CEP192: variants seen among roughly 807,000 people sequenced by gnomAD.
The protein encoded by CEP192 is centrosomal protein of 192 kDa.
In CEP192, 151 loss-of-function variants were observed where a neutral mutation model predicts 271.8. The observed-to-expected ratio is 0.56, with a 90% confidence interval of 0.49 to 0.64. The LOEUF (loss-of-function observed/expected upper bound fraction) is 0.64. Ranked by LOEUF, CEP192 falls within the 30% of genes least tolerant of loss-of-function variation. CEP192 has a pLI of 0.00. For synonymous variants in CEP192, 995 were observed against 1,076.5 expected (o/e 0.92, Z 1.48); for missense variants, 2,910 against 3,020.5 (o/e 0.96, Z 0.86).
At chr18:13,026,945 A>C (rs2035335975) in intron 9 of CEP192, among the ~76,000 whole-genome samples, 1 of 151,766 alleles carries the variant, frequency 6.6e-6, no homozygotes, top group Admixed American at 6.6e-5. Flanking sequence ...TATGCCTTTT[A>C]ATTTTTTCTT....
chr18:13,117,745 T>G, intron 44 of CEP192, 102 bp downstream of exon 44: 1 of 812,452 alleles, frequency 1.2e-6, no homozygotes, highest in Non-Finnish European at 2.1e-6. Flanking sequence ...GTCCTCCATA[T>G]TCCTCACCAG....
chr18:13,099,273 T>C (rs915889910), intron 36 of CEP192, among the ~76,000 whole-genome samples: 1 of 151,614 alleles, frequency 6.6e-6, no homozygotes, highest in Non-Finnish European at 1.5e-5. Context: ...TGCTGGTGAG[T>C]TCCTTGTAAC....
intron 38 of CEP192, among the ~76,000 whole-genome samples, chr18:13,101,496 C>T (rs1266749364): frequency 6.6e-6 from 1 of 152,100 alleles, no homozygotes; most frequent in East Asian, 1.9e-4. Context: ...GCTCACATTC[C>T]TCGAGAGTCC....
intron 40 of CEP192, among the ~76,000 whole-genome samples, chr18:13,112,619 C>T (rs2040256377): frequency 6.6e-6 from 1 of 152,100 alleles, no homozygotes; most frequent in Non-Finnish European, 1.5e-5. Flanking sequence ...GGTTTTTACC[C>T]ATTCCTTTGT....
chr18:13,049,801 G>C lies in CEP192; in HGVS notation c.2927G>C (p.Gly976Ala). The change falls in exon 17 of 45, where the codon GGC (glycine) becomes GCC (alanine). Residue 976 changes from glycine to alanine, a missense_variant. By Grantham distance (60) the Gly-to-Ala change is moderately conservative (BLOSUM62 0). Transcript: ENST00000506447. ...KNTSPEHGGR[G>A]SEDEQESFRP... The stretch of plus-strand genomic sequence containing the variant: ...ACCTCTCCTGAGCATGGTGGACGTG[G>C]CTCAGAGGATGAGCAGGAGAGCTTC... 6.2e-7 allele frequency: 1 copy of C among 1,613,828 alleles called. No homozygotes were observed. Among genetic ancestry groups the C allele is most frequent in the Non-Finnish European group, 8.5e-7 (1 of 1,179,938 alleles).
intron 3 of CEP192, among the ~76,000 whole-genome samples, chr18:13,006,048 G>C (rs1033303440): frequency 3.3e-5 from 5 of 152,024 alleles, no homozygotes; most frequent in Admixed American, 6.5e-5. Flanking sequence ...AATTGGCATT[G>C]GTTTGGAGAT....
chr18:12,999,441 G>A lies in CEP192; in HGVS notation c.17G>A (p.Gly6Asp), dbSNP rs1194128570. The A allele has an allele frequency of 6.5e-7, 1 of 1,547,450 alleles. No individual in the cohort carries two copies. ...TGCAGTGAGATGGAAGATTTTCGAG[G>A]TATAGCAGAAGAATCATTTCCAAGC... is the stretch of plus-strand genomic sequence containing the variant. MEDFRGIAEESFPSFL... is the reference protein window; with the variant it reads MEDFRDIAEESFPSFL... The change falls in exon 2 of 45, where the codon GGT becomes GAT. Residue 6 changes from glycine (G) to aspartate (D), a missense_variant. By Grantham distance (94) the Gly-to-Asp change is moderately conservative (BLOSUM62 -1). Transcript: ENST00000506447.
chr18:13,108,544 C>A (rs11663399), intron 40 of CEP192, among the ~76,000 whole-genome samples: 20,768 of 152,018 alleles, frequency 0.14, 1,542 homozygotes, highest in East Asian at 0.31. Context: ...GCCAACAAAC[C>A]TGAAAAAATG....
chr18:13,037,292 A>G lies in CEP192; in HGVS notation c.1590A>G (p.Gln530=), dbSNP rs544567362. ...AAGAAGAATTTAATAAAGAGCATCAATTTATACAGGTTTGTAATTATTTGT... is the reference window on the plus strand; with the variant it reads ...AAGAAGAATTTAATAAAGAGCATCAGTTTATACAGGTTTGTAATTATTTGT... ...QDEEEFNKEH[Q]FIQEENIDAH... Residue 530 remains glutamine, a synonymous_variant, in exon 12 of 45, where the codon CAA becomes CAG. Transcript: ENST00000506447. The G allele has an allele frequency of 9.0e-6, 12 of 1,330,098 alleles. No individual in the cohort carries two copies. Among genetic ancestry groups the G allele is most frequent in the Admixed American group, 2.0e-5 (1 of 49,778 alleles). 82.4% of individuals were successfully genotyped at this position (1,330,098 alleles called of 1,614,324 possible). A position where few individuals can be genotyped will look rare whatever the true frequency, so the allele number is the denominator to read the frequency against.
At chr18:13,081,905 T>C (rs2038630747) in intron 30 of CEP192, among the ~76,000 whole-genome samples, 1 of 152,250 alleles carries the variant, frequency 6.6e-6, no homozygotes, top group Admixed American at 6.5e-5. Flanking sequence ...TTCCATGTAG[T>C]TGTGCGGTTT....
intron 21 of CEP192, among the ~76,000 whole-genome samples, chr18:13,065,785 C>T (rs1464896591): frequency 1.3e-5 from 2 of 152,184 alleles, no homozygotes; most frequent in Non-Finnish European, 2.9e-5. Flanking sequence ...TCTTATATAA[C>T]ATCCAAAACA....
At chr18:13,090,187 G>A (rs1288850097) in intron 33 of CEP192, among the ~76,000 whole-genome samples, 2 of 152,170 alleles carry the variant, frequency 1.3e-5, no homozygotes, top group African/African-American at 4.8e-5. Flanking sequence ...TTTCACCATA[G>A]TGTTGTTTAT....
In CEP192 at chr18:13,102,754, G is replaced by A. The variant is rs139467642; in HGVS notation, c.6872-755G>A. On this transcript the variant is annotated intron_variant, in intron 38 of 44. Transcript: ENST00000506447. ...TCCTCTCCCTGGTTTCTAAAGACTG[G>A]CAGGGTCCCGGCCCAGCCTGCCTGT... 7.9e-5 allele frequency among the ~76,000 whole-genome samples: 12 copies of A among 152,254 alleles called. No individual in the cohort carries two copies. In the East Asian group the frequency reaches 2.3e-3, roughly 29 times the overall value.
chr18:13,024,661 C>T (rs1275134572), intron 9 of CEP192, among the ~76,000 whole-genome samples: 2 of 152,056 alleles, frequency 1.3e-5, no homozygotes, highest in Admixed American at 6.5e-5. Context: ...CGGGGTTTCA[C>T]CATGTTGGCC....
chr18:13,080,321 G>C (rs1312385740), intron 30 of CEP192, among the ~76,000 whole-genome samples: 4 of 152,118 alleles, frequency 2.6e-5, no homozygotes, highest in African/African-American at 7.2e-5. Flanking sequence ...GTTGAGCAGT[G>C]GTTTGTAGTT....
At chr18:13,095,447 A>T in intron 34 of CEP192, 56 bp from the exon 35 acceptor site, 1 of 1,352,134 alleles carries the variant, frequency 7.4e-7, no homozygotes, top group Non-Finnish European at 1.0e-6. Context: ...TATCATTTTT[A>T]ACTTCTCAGT....
intron 15 of CEP192, among the ~76,000 whole-genome samples, chr18:13,044,430 GT>G (rs1286045533): frequency 1.3e-5 from 2 of 151,800 alleles, no homozygotes; most frequent in East Asian, 1.9e-4. Flanking sequence ...TTTTTGTTTT[GT>G]TTTGTTTTAA....
At position 13,087,296 on chromosome 18, in the gene CEP192, G is replaced by C; in HGVS notation, c.5877+19G>C. ...ACAAGAAGTAAGTACAAAAGTTTCT[G>C]TGCTAAAAACATCAACTCATTTTAA... On this transcript the variant is annotated intron_variant, in intron 31 of 44. Coordinates refer to ENST00000506447, the MANE Select transcript of CEP192 (RefSeq NM_032142.4). 1.3e-6 allele frequency: 2 copies of C among 1,565,590 alleles called. No homozygotes were observed. Among genetic ancestry groups the C allele is most frequent in the South Asian group, 1.2e-5 (1 of 85,112 alleles).
At chr18:13,097,646 A>AT (rs2039466674) in intron 36 of CEP192, among the ~76,000 whole-genome samples, 2 of 115,512 alleles carry the variant, frequency 1.7e-5, no homozygotes, top group African/African-American at 3.4e-5. Flanking sequence ...TTTTTTAACT[A>AT]TTATTTTTTT....
Sources: gnomAD v4.1 joint callset for allele counts (sites outside exome capture counted in the v4.1 genomes callset) on GRCh38, gnomAD v4.1.1 for gene constraint, MANE v1.5 for transcripts, NCBI Gene and HGNC (gene_info 2026-07-23, HGNC 2026-07-21) for gene names.